The following GNB1L variants were observed in gnomAD, a reference collection of about 807,000 sequenced individuals.
The protein encoded by GNB1L is guanine nucleotide-binding protein subunit beta-like protein 1.
GNB1L carries 20 observed loss-of-function variants against 29.1 expected under a neutral mutation model. That is an observed-to-expected ratio of 0.69 (90% confidence interval 0.48 to 1.00). The LOEUF is 1.00. Ranked by LOEUF, GNB1L falls within the 50% of genes least tolerant of loss-of-function variation. GNB1L has a pLI of 0.00. For missense variants in GNB1L, 421 were observed against 464.9 expected, an observed-to-expected ratio of 0.91 and a Z score of 0.87; for synonymous variants, 193 against 206.5, an observed-to-expected ratio of 0.93 and a Z score of 0.56.
intron 2 of GNB1L, chr22:19,851,867 T>C: frequency 6.2e-7 from 1 of 1,613,956 alleles, no homozygotes; most frequent in Non-Finnish European, 8.5e-7. Flanking sequence ...GTTGTCCTGA[T>C]AGTGCTCAAA....
In GNB1L at chr22:19,838,033, T is replaced by C. The variant is rs557185146; in HGVS notation, c.-21+16410A>G. Among the ~76,000 whole-genome samples, 8 of 152,310 alleles carry C rather than the reference T, an allele frequency of 5.3e-5. 1 individual carries two copies. In the East Asian group the frequency reaches 1.5e-3, roughly 29 times the overall value. ...ACTTTAGGCACAGTGGGTATGTTGG[T>C]TGTCTTGAGCGTGGGGATGGCGTCA... is the stretch of plus-strand genomic sequence containing the variant. On this transcript the variant is annotated intron_variant, in intron 2 of 7. Coordinates refer to ENST00000329517, the MANE Select transcript of GNB1L (RefSeq NM_053004.3).
chr22:19,794,759 G>A (rs549628738), intron 7 of GNB1L, among the ~76,000 whole-genome samples: 6 of 152,266 alleles, frequency 3.9e-5, no homozygotes, highest in African/African-American at 1.4e-4. Flanking sequence ...GAGGCAGACG[G>A]ATCACGAGGT....
chr22:19,794,438 T>C (rs1212089288), intron 7 of GNB1L, among the ~76,000 whole-genome samples: 1 of 152,156 alleles, frequency 6.6e-6, no homozygotes, highest in African/African-American at 2.4e-5. Context: ...TTGCACACTC[T>C]TGGAGTGCAA....
chr22:19,785,617 G>T lies in GNB1L; in HGVS notation c.*3092C>A. ...GGTTGGCCAGGGGCGTGATGGCAGC[G>T]ACCAGCCATGCTGCCAGGAGTCGCC... On this transcript the variant is annotated 3_prime_UTR_variant, in exon 8 of 8. Transcript: ENST00000329517. This position sits in a 1 kb window ranked among gnomAD's most constrained non-coding sequence, Gnocchi z 4.1. 6.6e-6 allele frequency: 1 copy of T among 152,320 alleles called. No individual in the cohort carries two copies. The highest frequency in any genetic ancestry group is 1.5e-5 in the Non-Finnish European group (1 of 68,040). 9.4% of individuals were successfully genotyped at this position (152,320 alleles called of 1,614,324 possible).
chr22:19,801,346 G>A (rs1435943770), intron 7 of GNB1L, among the ~76,000 whole-genome samples: 3 of 152,162 alleles, frequency 2.0e-5, no homozygotes, highest in Non-Finnish European at 4.4e-5. Flanking sequence ...ACCAGAGTGA[G>A]ACCTGGACAG....
chr22:19,841,388 G>A (rs1937857248), intron 2 of GNB1L, among the ~76,000 whole-genome samples: 1 of 152,164 alleles, frequency 6.6e-6, no homozygotes, highest in Non-Finnish European at 1.5e-5. Context: ...TGGCTTTGGA[G>A]TCAATTTCTA....
intron 2 of GNB1L, among the ~76,000 whole-genome samples, chr22:19,833,407 C>T (rs754017478): frequency 3.3e-5 from 5 of 152,100 alleles, no homozygotes; most frequent in Non-Finnish European, 7.4e-5. Context: ...TGGGAGATGA[C>T]AGAGTGACAT....
intron 7 of GNB1L, among the ~76,000 whole-genome samples, chr22:19,799,901 C>T (rs1048180045): frequency 3.9e-5 from 6 of 152,358 alleles, no homozygotes; most frequent in Middle Eastern, 3.4e-3. Flanking sequence ...TGACATTGGG[C>T]AGAGGGTGGC....
At chr22:19,850,068 C>A (rs780079770) in intron 2 of GNB1L, 1 of 985,668 alleles carries the variant, frequency 1.0e-6, no homozygotes, top group Non-Finnish European at 1.2e-6. Flanking sequence ...GAGCCACCCA[C>A]CCCCTACTCA....
chr22:19,811,406 C>A (rs1316020169), intron 5 of GNB1L, among the ~76,000 whole-genome samples: 1 of 152,152 alleles, frequency 6.6e-6, no homozygotes, highest in Non-Finnish European at 1.5e-5. Context: ...CCCCATGCCC[C>A]GCCCTCGGGC....
At chr22:19,810,696 C>T (rs971972310) in intron 5 of GNB1L, among the ~76,000 whole-genome samples, 2 of 152,050 alleles carry the variant, frequency 1.3e-5, no homozygotes, top group Admixed American at 6.5e-5. Flanking sequence ...GCCACCCAGC[C>T]GGCCGAGTGG....
chr22:19,821,249 C>T lies in GNB1L; in HGVS notation c.107G>A (p.Gly36Glu), dbSNP rs745571621. ...TCACCCTGAGAAGAGGAGCGGGCGCCCCTGAGCCTGGGCTCCTTCGCAGAA... is the reference window on the plus strand; with the variant it reads ...TCACCCTGAGAAGAGGAGCGGGCGCTCCTGAGCCTGGGCTCCTTCGCAGAA... ...LHFCEGAQAQ[G>E]RPLLFSGSQS... Residue 36 changes from glycine (G) to glutamate (E), a missense_variant, in exon 3 of 8, where the codon GGG becomes GAG. Gly to Glu is a moderately conservative substitution (Grantham distance 98). Transcript: ENST00000329517. 2 of 1,612,118 alleles carry T rather than the reference C, an allele frequency of 1.2e-6. No individual in the cohort carries two copies. The highest frequency in any genetic ancestry group is 1.7e-6 in the Non-Finnish European group (2 of 1,179,052).
At position 19,831,708 on chromosome 22, in the gene GNB1L, A is replaced by C. The variant is rs143928811; in HGVS notation, c.-20-10333T>G. Among the ~76,000 whole-genome samples, 894 of 151,850 alleles carry C rather than the reference A, an allele frequency of 5.9e-3. 4 individuals carry two copies. The highest frequency in any genetic ancestry group is 9.2e-3 in the Admixed American group (140 of 15,284). On this transcript the variant is annotated intron_variant, in intron 2 of 7. Coordinates refer to ENST00000329517, the MANE Select transcript of GNB1L (RefSeq NM_053004.3). ...TCTGCCTCAAAAAAAAAAATAAAAG[A>C]AATAAAAAGAAAGACAAAAATTTTA... is the stretch of plus-strand genomic sequence containing the variant.
intron 7 of GNB1L, among the ~76,000 whole-genome samples, chr22:19,789,601 A>C (rs1040472965): frequency 2.0e-5 from 3 of 151,174 alleles, no homozygotes; most frequent in African/African-American, 7.3e-5. Flanking sequence ...GGGTTCTGAG[A>C]GGGGGTAGGG....
Position 19,788,578 on chromosome 22 carries a change from G to A in GNB1L, c.*131C>T, listed in dbSNP as rs1438245172. ...AGGAAATACCAACCTCATGAAGACA[G>A]CGGGGACTCCATGGTCCTTGGGCCA... On this transcript the variant is annotated 3_prime_UTR_variant, in exon 8 of 8. Transcript: ENST00000329517. 1 of 1,135,552 alleles carries A rather than the reference G, an allele frequency of 8.8e-7. No individual in the cohort carries two copies. Among genetic ancestry groups the A allele is most frequent in the East Asian group, 2.3e-5 (1 of 42,796 alleles). 70.3% of individuals were successfully genotyped at this position (1,135,552 alleles called of 1,614,324 possible). A position where few individuals can be genotyped will look rare whatever the true frequency, so the allele number is the denominator to read the frequency against.
chr22:19,800,954 G>A (rs1053743812), intron 7 of GNB1L, among the ~76,000 whole-genome samples: 1 of 152,222 alleles, frequency 6.6e-6, no homozygotes, highest in Non-Finnish European at 1.5e-5. Flanking sequence ...GGCTGGGCAA[G>A]CGTGAGGCGC....
At chr22:19,829,509 C>T (rs1283841084) in intron 2 of GNB1L, among the ~76,000 whole-genome samples, 1 of 152,040 alleles carries the variant, frequency 6.6e-6, no homozygotes, top group East Asian at 1.9e-4. Context: ...ATGAAAAATA[C>T]TACGTACCAA....
Position 19,852,096 on chromosome 22 carries a change from C to T in GNB1L, c.-21+2347G>A, listed in dbSNP as rs148093921. ...TGCTCCATGGTCGTTCGCACACACACGGTGTCCCCACAGCAGGGCCGCTCA... is the reference window on the plus strand; with the variant it reads ...TGCTCCATGGTCGTTCGCACACACATGGTGTCCCCACAGCAGGGCCGCTCA... On this transcript the variant is annotated intron_variant, in intron 2 of 7. Transcript: ENST00000329517. 3.4e-5 allele frequency: 55 copies of T among 1,614,126 alleles called. No individual in the cohort carries two copies. In the East Asian group the frequency reaches 5.6e-4, roughly 16 times the overall value.
intron 2 of GNB1L, chr22:19,849,800 A>G: frequency 1.0e-6 from 1 of 985,446 alleles, no homozygotes; most frequent in Non-Finnish European, 1.2e-6. Context: ...TCACAATTGT[A>G]AACCTGAAAG....
Sources: gnomAD v4.1 joint callset for allele counts (sites outside exome capture counted in the v4.1 genomes callset) on GRCh38, gnomAD v4.1.1 for gene constraint, Gnocchi (gnomAD v3.1) non-coding constraint, MANE v1.5 for transcripts, NCBI Gene and HGNC (gene_info 2026-07-23, HGNC 2026-07-21) for gene names.